The following HSF5 variants were observed in gnomAD, a reference collection of about 807,000 sequenced individuals.
HSF5 encodes heat shock factor protein 5.
Under a neutral mutation model 50.8 loss-of-function variants are expected in HSF5, and 5 were observed. The ratio of observed to expected loss-of-function variants is 0.10; its 90% CI spans 0.05 to 0.21. HSF5 has a LOEUF of 0.21. Among genes scored for constraint, HSF5 ranks in the 10% least tolerant of loss-of-function variants. HSF5 has a pLI of 1.00. For missense variants in HSF5, 564 were observed against 762.6 expected, an observed-to-expected ratio of 0.74 and a Z score of 3.07; for synonymous variants, 307 against 307.4, an observed-to-expected ratio of 1.00 and a Z score of 0.02.
chr17:58,429,398 G>A lies in HSF5; in HGVS notation c.1721-6968C>T, dbSNP rs759569043. ...CACTTTAAAATGTTTAACTTATAGCGAGGCATGGTGGCCCATGCCTGTAGT... is the reference window on the plus strand; with the variant it reads ...CACTTTAAAATGTTTAACTTATAGCAAGGCATGGTGGCCCATGCCTGTAGT... On this transcript the variant is annotated intron_variant, in intron 5 of 5. Coordinates refer to ENST00000323777, the MANE Select transcript of HSF5 (RefSeq NM_001080439.3). Among the ~76,000 whole-genome samples the A allele has an allele frequency of 4.6e-5, 7 of 152,156 alleles. No individual in the cohort carries two copies. The South Asian group carries it at 6.2e-4, about 14-fold the overall frequency.
Position 58,462,855 on chromosome 17 carries a change from T to C in HSF5, c.1469A>G (p.Glu490Gly). ...AIQQAHVKLK[E>G]HLNHNPSPSS... ...TGGAGATGGATTATGATTTAGGTGC[T>C]CCTTCAGTTTGACATGAGCTTGCTG... Residue 490 changes from glutamate (E) to glycine (G), a missense_variant, in exon 4 of 6, where the codon GAG (glutamate) becomes GGG (glycine). Physicochemically the swap from Glu to Gly is moderately conservative, Grantham distance 98. This residue lies in a region of HSF5 where 441 missense variants were observed against 533.6 expected (regional missense o/e 0.83). Transcript: ENST00000323777. The C allele has an allele frequency of 6.2e-7, 1 of 1,614,124 alleles. No homozygotes were observed. The highest frequency in any genetic ancestry group is 1.1e-5 in the South Asian group (1 of 91,078).
chr17:58,423,532 C>T (rs1029775671), intron 5 of HSF5, among the ~76,000 whole-genome samples: 37 of 146,266 alleles, frequency 2.5e-4, no homozygotes, highest in African/African-American at 8.1e-4. Flanking sequence ...CTGTCACCCG[C>T]GCTGGAGTGC....
intron 5 of HSF5, among the ~76,000 whole-genome samples, chr17:58,431,053 A>C (rs1974358186): frequency 6.6e-6 from 1 of 152,176 alleles, no homozygotes; most frequent in African/African-American, 2.4e-5. Flanking sequence ...TGTTCTGATG[A>C]TAGTGAATAG....
intron 1 of HSF5, among the ~76,000 whole-genome samples, chr17:58,484,821 A>G (rs754310297): frequency 2.6e-5 from 4 of 152,128 alleles, no homozygotes; most frequent in Non-Finnish European, 5.9e-5. Context: ...CTAGTTCCTT[A>G]TCTTCTAAAT....
intron 1 of HSF5, among the ~76,000 whole-genome samples, chr17:58,483,640 G>A (rs1451853662): frequency 1.3e-5 from 2 of 152,118 alleles, no homozygotes; most frequent in South Asian, 2.1e-4. Flanking sequence ...GGTATCCCCA[G>A]GTAAAAGATT....
In HSF5 at chr17:58,484,205, GA is replaced by G. The variant is rs555852057; in HGVS notation, c.550+3519del. Reference sequence around the variant, plus strand: ...ACATACCAACAGGTAGAATGGTAAGGAAAAAAAAAAAAAACACCAAACAGGA... The same window carrying G: ...ACATACCAACAGGTAGAATGGTAAGGAAAAAAAAAAAAACACCAAACAGGA... On this transcript the variant is annotated intron_variant, in intron 1 of 5. Coordinates refer to ENST00000323777, the MANE Select transcript of HSF5 (RefSeq NM_001080439.3). Among the ~76,000 whole-genome samples, 928 of 118,100 alleles carry G rather than the reference GA, an allele frequency of 7.9e-3. 9 individuals carry two copies. The highest frequency in any genetic ancestry group is 0.023 in the African/African-American group (743 of 31,810). 77.5% of individuals were successfully genotyped at this position (118,100 alleles called of 152,430 possible). A position where few individuals can be genotyped will look rare whatever the true frequency, so the allele number is the denominator to read the frequency against.
intron 5 of HSF5, among the ~76,000 whole-genome samples, chr17:58,436,611 C>T (rs1974430417): frequency 6.6e-6 from 1 of 151,880 alleles, no homozygotes; most frequent in African/African-American, 2.4e-5. Context: ...CACTTATAAC[C>T]ATAACATGTA....
intron 5 of HSF5, among the ~76,000 whole-genome samples, chr17:58,438,832 T>C (rs1974461310): frequency 6.6e-6 from 1 of 151,974 alleles, no homozygotes; most frequent in South Asian, 2.1e-4. Flanking sequence ...AGAAGTGCCT[T>C]AAGGCCAGGC....
At chr17:58,454,053 C>A (rs1304862744) in intron 5 of HSF5, among the ~76,000 whole-genome samples, 1 of 152,026 alleles carries the variant, frequency 6.6e-6, no homozygotes, top group Non-Finnish European at 1.5e-5. Flanking sequence ...GAGATTGCGC[C>A]ACTGCACTTC....
intron 5 of HSF5, among the ~76,000 whole-genome samples, chr17:58,428,935 G>A (rs780016031): frequency 5.9e-5 from 9 of 152,058 alleles, no homozygotes; most frequent in Non-Finnish European, 4.4e-5. Flanking sequence ...ACAAATACTC[G>A]TATATGCATG....
chr17:58,448,973 G>C (rs771214590), intron 5 of HSF5, among the ~76,000 whole-genome samples: 1 of 152,184 alleles, frequency 6.6e-6, no homozygotes, highest in Non-Finnish European at 1.5e-5. Context: ...AGAAGTCAAA[G>C]TGTGAAGGGG....
intron 5 of HSF5, among the ~76,000 whole-genome samples, chr17:58,434,991 A>G (rs1388559254): frequency 6.6e-6 from 1 of 152,238 alleles, no homozygotes; most frequent in African/African-American, 2.4e-5. Context: ...CCATTATAAC[A>G]GAAGGAAAGG....
intron 2 of HSF5, among the ~76,000 whole-genome samples, chr17:58,470,430 C>T (rs118145474): frequency 9.7e-4 from 147 of 152,200 alleles, no homozygotes; most frequent in Non-Finnish European, 1.6e-3. Context: ...AAATATTATA[C>T]GATTCCTCAT....
Position 58,488,206 on chromosome 17 carries a change from G to A in HSF5, c.69C>T (p.Asn23=). ...AGCGGATGGAGCGGTAGCGCGGGCT[G>A]TTCACCAGGCGCCACAGCTTGGCGG... The part of the protein sequence containing the change: ...NFPAKLWRLV[N]SPRYRSIRWD... The change falls in exon 1 of 6, where the codon AAC becomes AAT. Residue 23 remains asparagine, a synonymous_variant. Coordinates refer to ENST00000323777, the MANE Select transcript of HSF5 (RefSeq NM_001080439.3). The surrounding 1 kb of genome is among the most constrained non-coding windows in gnomAD (Gnocchi z 4.1). The A allele has an allele frequency of 6.6e-7, 1 of 1,523,596 alleles. No individual in the cohort carries two copies. Among genetic ancestry groups the A allele is most frequent in the Non-Finnish European group, 8.7e-7 (1 of 1,148,824 alleles). The allele number at this position is 1,523,596 out of a possible 1,614,324, so 94.4% of individuals were successfully genotyped here. A position where few individuals can be genotyped will look rare whatever the true frequency, so the allele number is the denominator to read the frequency against.
chr17:58,429,718 C>T (rs1022940660), intron 5 of HSF5, among the ~76,000 whole-genome samples: 12 of 149,182 alleles, frequency 8.0e-5, no homozygotes, highest in African/African-American at 2.5e-4. Context: ...TGGTGGCGGG[C>T]GCCTGTAATC....
At chr17:58,447,075 A>C (rs1158416939) in intron 5 of HSF5, among the ~76,000 whole-genome samples, 2 of 149,502 alleles carry the variant, frequency 1.3e-5, no homozygotes, top group Admixed American at 1.3e-4. Flanking sequence ...CAGTGAGCCA[A>C]GACTGTGCCA....
rs140759626 is a variant in HSF5, at chr17:58,474,389, C to T, written c.925+5504G>A. 6.2e-3 allele frequency among the ~76,000 whole-genome samples: 938 copies of T among 152,198 alleles called. 6 individuals are homozygous for T. The highest frequency in any genetic ancestry group is 0.022 in the African/African-American group (914 of 41,504). On this transcript the variant is annotated intron_variant, in intron 2 of 5. Coordinates refer to ENST00000323777, the MANE Select transcript of HSF5 (RefSeq NM_001080439.3). ...TTTCTTATTCTCATAATCTCAGAAA[C>T]TTTATAGTCATTTCAATCATCCCTA...
At chr17:58,471,196 AG>A (rs1454349451) in intron 2 of HSF5, among the ~76,000 whole-genome samples, 1 of 152,206 alleles carries the variant, frequency 6.6e-6, no homozygotes, top group Non-Finnish European at 1.5e-5. Context: ...AAATAGTTAA[AG>A]TGGTTAAGTT....
intron 2 of HSF5, 81 bp from the exon 3 acceptor site, chr17:58,467,060 G>T: frequency 1.2e-6 from 1 of 864,570 alleles, no homozygotes; most frequent in Non-Finnish European, 1.9e-6. Context: ...CTTTCAACAT[G>T]GAAAGAAATC....
Sources: allele counts gnomAD v4.1 joint callset (sites outside exome capture counted in the v4.1 genomes callset), GRCh38; gene constraint gnomAD v4.1.1; regional missense constraint gnomAD v4.1.1; non-coding constraint Gnocchi (gnomAD v3.1); transcripts MANE v1.5; gene names NCBI Gene and HGNC (gene_info 2026-07-23, HGNC 2026-07-21).